SLC27A2: variants seen among roughly 807,000 people sequenced by gnomAD.
SLC27A2 encodes the protein long-chain fatty acid transport protein 2.
Under a neutral mutation model 60.0 loss-of-function variants are expected in SLC27A2, and 54 were observed. The observed-to-expected ratio is 0.90, with a 90% CI of 0.72 to 1.13. The LOEUF (loss-of-function observed/expected upper bound fraction) is 1.13. Ranked by LOEUF, SLC27A2 falls within the 50% of genes most tolerant of loss-of-function variation. SLC27A2 has a pLI of 0.00. For synonymous variants in SLC27A2, 297 were observed against 297.6 expected, an observed-to-expected ratio of 1.00 and a Z score of 0.02; for missense variants, 739 against 777.6, an observed-to-expected ratio of 0.95 and a Z score of 0.59.
rs141025472 is a variant in SLC27A2, at chr15:50,211,872, C to G, written c.972+6509C>G. Among the ~76,000 whole-genome samples the G allele has an allele frequency of 5.8e-3, 878 of 151,660 alleles. 5 individuals are homozygous for G. Among genetic ancestry groups the G allele is most frequent in the African/African-American group, 0.02 (841 of 41,320 alleles). ...AGATCACAAGGTCGGGAGATTGAGA[C>G]CATCCTGGCTAACACAGTGAAACCC... On this transcript the variant is annotated intron_variant, in intron 4 of 9. Coordinates refer to ENST00000267842, the MANE Select transcript of SLC27A2 (RefSeq NM_003645.4).
At chr15:50,191,178 A>C (rs142047027) in intron 1 of SLC27A2, 50 of 152,332 alleles carry the variant, frequency 3.3e-4, no homozygotes, top group African/African-American at 1.1e-3. Context: ...AATTATGTGA[A>C]GTGATGTATG....
intron 4 of SLC27A2, among the ~76,000 whole-genome samples, chr15:50,217,637 A>G (rs1241543028): frequency 6.6e-6 from 1 of 152,068 alleles, no homozygotes; most frequent in Non-Finnish European, 1.5e-5. Context: ...CCCTGCCCCC[A>G]CAGAACTGCC....
intron 8 of SLC27A2, among the ~76,000 whole-genome samples, chr15:50,230,125 T>A (rs972168493): frequency 1.4e-4 from 21 of 150,964 alleles, no homozygotes; most frequent in Admixed American, 1.3e-3. Context: ...TCCCAGCTAC[T>A]CGGGAGGCTG....
intron 4 of SLC27A2, among the ~76,000 whole-genome samples, chr15:50,210,254 C>A (rs561583918): frequency 2.0e-5 from 3 of 152,292 alleles, no homozygotes; most frequent in South Asian, 2.1e-4. Flanking sequence ...CAAGAGGACC[C>A]ACAGACCCTC....
chr15:50,188,854 G>C (rs972756528), intron 1 of SLC27A2, among the ~76,000 whole-genome samples: 1 of 152,140 alleles, frequency 6.6e-6, no homozygotes, highest in African/African-American at 2.4e-5. Flanking sequence ...CAGCTACTCC[G>C]GAGGCTGAGG....
At chr15:50,191,537 C>G (rs773849119) in intron 1 of SLC27A2, among the ~76,000 whole-genome samples, 2 of 152,152 alleles carry the variant, frequency 1.3e-5, no homozygotes, top group African/African-American at 4.8e-5. Flanking sequence ...CTGAGGGAGA[C>G]TTCTGTTGTG....
intron 2 of SLC27A2, among the ~76,000 whole-genome samples, chr15:50,200,833 C>T (rs1353168729): frequency 6.6e-6 from 1 of 152,194 alleles, no homozygotes. Context: ...CACTGAGATA[C>T]GGTTTTTCAC....
In SLC27A2 at chr15:50,182,620, C is replaced by T; in HGVS notation, c.193C>T (p.Gln65Ter). ...GCGGGCGTTCCTGGAGAAAGCGCGC[C>T]AGACGCCACACAAGCCTTTTCTGCT... is the stretch of plus-strand genomic sequence containing the variant. ...ILRAFLEKARQTPHKPFLLFR... is the reference protein window; with the variant it reads ...ILRAFLEKAR The change falls in exon 1 of 10, where the codon CAG becomes TAG. Residue 65 changes from glutamine to a stop codon, truncating the protein, a stop_gained. Coordinates refer to ENST00000267842, the MANE Select transcript of SLC27A2 (RefSeq NM_003645.4). LOFTEE classifies it high-confidence loss of function. 1.2e-6 allele frequency: 2 copies of T among 1,613,878 alleles called. No homozygotes were observed. Among genetic ancestry groups the T allele is most frequent in the Non-Finnish European group, 1.7e-6 (2 of 1,179,838 alleles).
In SLC27A2 at chr15:50,183,601, C is replaced by T. The variant is rs180917211; in HGVS notation, c.478+696C>T. 5.4e-4 allele frequency among the ~76,000 whole-genome samples: 83 copies of T among 152,318 alleles called. 1 individual carries two copies. The highest frequency in any genetic ancestry group is 1.9e-3 in the African/African-American group (81 of 41,564). On this transcript the variant is annotated intron_variant, in intron 1 of 9. Transcript: ENST00000267842. ...TCTGTGGTTAGCTCCTGCCACATTT[C>T]AGCCAGACTTGAAACAGTAACTTAA...
intron 4 of SLC27A2, among the ~76,000 whole-genome samples, chr15:50,206,103 A>G (rs144629196): frequency 6.6e-6 from 1 of 152,286 alleles, no homozygotes; most frequent in East Asian, 1.9e-4. Flanking sequence ...GGATTTATCA[A>G]TGGTGGCACT....
Position 50,202,609 on chromosome 15 carries a change from G to A in SLC27A2, c.811G>A (p.Ala271Thr), listed in dbSNP as rs911203327. The A allele has an allele frequency of 2.5e-6, 4 of 1,614,044 alleles. No individual in the cohort carries two copies. The highest frequency in any genetic ancestry group is 3.4e-6 in the Non-Finnish European group (4 of 1,180,022). The change falls in exon 3 of 10, where the codon GCA becomes ACA. Residue 271 changes from alanine to threonine, a missense_variant. Coordinates refer to ENST00000267842, the MANE Select transcript of SLC27A2 (RefSeq NM_003645.4). Reference protein sequence around the residue: ...YITLPFYHSAALLIGIHGCIV... With the variant: ...YITLPFYHSATLLIGIHGCIV... Reference sequence around the variant, plus strand: ...CACTCTGCCCTTTTACCACAGTGCTGCACTACTGATTGGCATTCACGGATG... The same window carrying A: ...CACTCTGCCCTTTTACCACAGTGCTACACTACTGATTGGCATTCACGGATG...
In SLC27A2 at chr15:50,182,526, C is replaced by G. The variant is rs1174370535; in HGVS notation, c.99C>G (p.Phe33Leu). The G allele has an allele frequency of 6.2e-7, 1 of 1,612,460 alleles. No homozygotes were observed. The highest frequency in any genetic ancestry group is 1.3e-5 in the African/African-American group (1 of 74,928). Reference sequence around the variant, plus strand: ...ACTTCTTCCAGGACATAGGCTACTTCTTGAAGGTGGCCGCCGTGGGCCGGA... The same window carrying G: ...ACTTCTTCCAGGACATAGGCTACTTGTTGAAGGTGGCCGCCGTGGGCCGGA... ...CPYFFQDIGY[F>L]LKVAAVGRRV... Residue 33 changes from phenylalanine to leucine, a missense_variant, in exon 1 of 10, where the codon TTC becomes TTG. Physicochemically the swap from Phe to Leu is conservative, Grantham distance 22. Coordinates refer to ENST00000267842, the MANE Select transcript of SLC27A2 (RefSeq NM_003645.4).
chr15:50,229,342 C>T (rs2045300288), intron 8 of SLC27A2, among the ~76,000 whole-genome samples: 2 of 152,174 alleles, frequency 1.3e-5, no homozygotes, highest in South Asian at 4.1e-4. Flanking sequence ...TCGTGTCATG[C>T]TTAAGAGCTG....
intron 1 of SLC27A2, among the ~76,000 whole-genome samples, chr15:50,186,949 G>A (rs2140894030): frequency 1.3e-5 from 2 of 152,296 alleles, no homozygotes; most frequent in Middle Eastern, 6.8e-3. Context: ...CAGGGCTTGT[G>A]GACTAGTAAG....
At chr15:50,210,320 G>T (rs961441624) in intron 4 of SLC27A2, among the ~76,000 whole-genome samples, 4 of 152,158 alleles carry the variant, frequency 2.6e-5, no homozygotes, top group African/African-American at 9.7e-5. Context: ...TACTGTGATC[G>T]CCCCAACTGC....
chr15:50,221,194 C>T (rs967847258), intron 4 of SLC27A2, among the ~76,000 whole-genome samples: 8 of 149,962 alleles, frequency 5.3e-5, no homozygotes, highest in Non-Finnish European at 1.2e-4. Context: ...GACCCTGTCT[C>T]GAAAAAAAAA....
chr15:50,226,589 G>T (rs2045280011), intron 6 of SLC27A2, among the ~76,000 whole-genome samples: 1 of 152,028 alleles, frequency 6.6e-6, no homozygotes, highest in Non-Finnish European at 1.5e-5. Flanking sequence ...AAAATTAGCT[G>T]GGCACGATGG....
chr15:50,222,804 G>A (rs779103699), intron 4 of SLC27A2, among the ~76,000 whole-genome samples, 161 bp from the exon 5 acceptor site: 32 of 152,040 alleles, frequency 2.1e-4, no homozygotes, highest in Admixed American at 9.2e-4. Flanking sequence ...TGGGTGGCAG[G>A]AAAAAGGCAG....
rs1328843288 is a variant in SLC27A2, at chr15:50,197,682, T to G, written c.661T>G (p.Leu221Val). The G allele has an allele frequency of 1.9e-6, 3 of 1,613,294 alleles. No individual in the cohort carries two copies. Among genetic ancestry groups the G allele is most frequent in the South Asian group, 1.1e-5 (1 of 91,036 alleles). The stretch of plus-strand genomic sequence containing the variant: ...TGAAGTCACTTTTTCCACTCCTGCC[T>G]TATACATTTATACTTCTGGAACCAC... ...RSEVTFSTPA[L>V]YIYTSGTTGL... is the part of the protein sequence containing the mutation. Residue 221 changes from leucine (L) to valine (V), a missense_variant, in exon 2 of 10, where the codon TTA (leucine) becomes GTA (valine). Leu to Val is a conservative substitution (Grantham distance 32). Transcript: ENST00000267842.
Sources: allele counts gnomAD v4.1 joint callset (sites outside exome capture counted in the v4.1 genomes callset), GRCh38; gene constraint gnomAD v4.1.1; transcripts MANE v1.5; gene names NCBI Gene and HGNC (gene_info 2026-07-23, HGNC 2026-07-21).